Variants in ABTB3 observed in about 807,000 individuals in gnomAD.
ABTB3 encodes ankyrin repeat and BTB domain containing 3.
chr12:107,428,704 C>T, the ABTB3 span, among the ~76,000 whole-genome samples: 1 of 152,272 alleles, frequency 6.6e-6, no homozygotes, highest in South Asian at 2.1e-4. Context: ...AACCAAATCC[C>T]TGCCCCAGGG....
At chr12:107,517,664 CTGTT>C in the ABTB3 span, among the ~76,000 whole-genome samples, 19 of 152,288 alleles carry the variant, frequency 1.2e-4, no homozygotes, top group African/African-American at 4.3e-4. Flanking sequence ...ATTTGGCTCT[CTGTT>C]TGTCTGTTAT....
At chr12:107,556,563 G>A in the ABTB3 span, among the ~76,000 whole-genome samples, 4 of 152,182 alleles carry the variant, frequency 2.6e-5, no homozygotes, top group African/African-American at 9.7e-5. Flanking sequence ...AAGGATGCAG[G>A]GTATAGAGAG....
chr12:107,473,805 C>CTTTTTT, the ABTB3 span, among the ~76,000 whole-genome samples: 1 of 142,310 alleles, frequency 7.0e-6, no homozygotes. Context: ...TTTTCTTTTT[C>CTTTTTT]TTTTTTTTTT....
chr12:107,336,654 G>A, the ABTB3 span, among the ~76,000 whole-genome samples: 1 of 152,174 alleles, frequency 6.6e-6, no homozygotes, highest in Non-Finnish European at 1.5e-5. Context: ...AGATTATACT[G>A]AATGACCCAC....
chr12:107,617,051 C>A, the ABTB3 span: 2 of 1,594,604 alleles, frequency 1.3e-6, no homozygotes, highest in Non-Finnish European at 1.7e-6. Context: ...CACAGTGTAT[C>A]TCCTCTCACC....
At chr12:107,651,843 C>A in the ABTB3 span, 2 of 1,478,468 alleles carry the variant, frequency 1.4e-6, no homozygotes, top group Non-Finnish European at 1.9e-6. Flanking sequence ...GCCGGGGAGG[C>A]TTTTCCTTGG....
chr12:107,377,808 G>C, the ABTB3 span, among the ~76,000 whole-genome samples: 1 of 152,148 alleles, frequency 6.6e-6, no homozygotes, highest in African/African-American at 2.4e-5. Flanking sequence ...GAAGGCAGTG[G>C]GATGTGGCCA....
the ABTB3 span, among the ~76,000 whole-genome samples, chr12:107,466,111 C>T: frequency 9.2e-5 from 14 of 152,130 alleles, no homozygotes; most frequent in Middle Eastern, 3.4e-3. Flanking sequence ...GGGGTGGATG[C>T]GCTTGCTTTG....
chr12:107,582,661 C>T, the ABTB3 span, among the ~76,000 whole-genome samples: 2 of 152,214 alleles, frequency 1.3e-5, no homozygotes, highest in Non-Finnish European at 2.9e-5. Context: ...TTGGCATAAT[C>T]TTCCCATTTT....
chr12:107,383,375 A>G, the ABTB3 span, among the ~76,000 whole-genome samples: 1 of 152,096 alleles, frequency 6.6e-6, no homozygotes, highest in Non-Finnish European at 1.5e-5. Context: ...GTGAAGCCAG[A>G]AGGTCCCAGA....
chr12:107,482,355 G>C, the ABTB3 span, among the ~76,000 whole-genome samples: 1 of 152,150 alleles, frequency 6.6e-6, no homozygotes, highest in African/African-American at 2.4e-5. Flanking sequence ...ATAGTCCAGG[G>C]CTAAGACCTG....
At chr12:107,657,494 C>T in the ABTB3 span, 3 of 1,611,726 alleles carry the variant, frequency 1.9e-6, no homozygotes, top group Non-Finnish European at 2.5e-6. Flanking sequence ...CCCATTTCCT[C>T]TCCACTCTCC....
At chr12:107,630,729 C>T in the ABTB3 span, among the ~76,000 whole-genome samples, 269 of 152,230 alleles carry the variant, frequency 1.8e-3, no homozygotes, top group African/African-American at 6.0e-3. Flanking sequence ...ACCACCACAC[C>T]GGGTTTTTAA....
chr12:107,353,648 A>G, the ABTB3 span, among the ~76,000 whole-genome samples: 1 of 152,134 alleles, frequency 6.6e-6, no homozygotes, highest in Non-Finnish European at 1.5e-5. Flanking sequence ...TGGGCTGTGG[A>G]CCAGTAGGGG....
chr12:107,465,593 G>T, the ABTB3 span, among the ~76,000 whole-genome samples: 1 of 152,282 alleles, frequency 6.6e-6, no homozygotes, highest in South Asian at 2.1e-4. Flanking sequence ...GGGGCAGGGG[G>T]TGCTGGGGGC....
chr12:107,369,658 C>G, the ABTB3 span, among the ~76,000 whole-genome samples: 21 of 150,314 alleles, frequency 1.4e-4, no homozygotes, highest in African/African-American at 5.2e-4. Context: ...CTTGGCCTCC[C>G]AAAGTGCTGG....
At chr12:107,431,938 A>AG in the ABTB3 span, among the ~76,000 whole-genome samples, 13 of 152,202 alleles carry the variant, frequency 8.5e-5, no homozygotes, top group East Asian at 7.8e-4. Context: ...CTGAGTTTGG[A>AG]GGGGGTTAAA....
chr12:107,420,562 C>T, the ABTB3 span, among the ~76,000 whole-genome samples: 1 of 152,148 alleles, frequency 6.6e-6, no homozygotes, highest in African/African-American at 2.4e-5. Flanking sequence ...CAGGTCCCTC[C>T]CATGACATGT....
the ABTB3 span, chr12:107,544,090 T>C: frequency 6.2e-7 from 1 of 1,613,890 alleles, no homozygotes; most frequent in African/African-American, 1.3e-5. Context: ...ACAAATGGAA[T>C]GGGAAAACCC....
Sources: gnomAD v4.1 joint callset for allele counts (sites outside exome capture counted in the v4.1 genomes callset) on GRCh38, gnomAD v4.1.1 for gene constraint, MANE v1.5 for transcripts, NCBI Gene and HGNC (gene_info 2026-07-23, HGNC 2026-07-21) for gene names.